Variants in RBPMS observed in about 807,000 individuals in gnomAD.
RBPMS encodes RNA binding protein, mRNA processing factor.
A neutral mutation model predicts 26.8 loss-of-function variants in RBPMS; 7 were observed. The observed-to-expected ratio is 0.26, with a 90% CI of 0.15 to 0.49. The LOEUF (loss-of-function observed/expected upper bound fraction) is 0.49, where lower values mean the gene tolerates loss of function less well. RBPMS is among the 20% of genes least tolerant of loss of function. The probability of loss-of-function intolerance (pLI) is 0.98; values close to 1 mark genes in which losing one functional copy is unlikely to be tolerated. For missense variants in RBPMS, 186 were observed against 250.0 expected (o/e 0.74, Z 1.73); for synonymous variants, 96 against 93.3 (o/e 1.03, Z -0.17).
chr8:30,542,448 C>CA (rs1214585537), intron 5 of RBPMS, among the ~76,000 whole-genome samples: 1 of 152,198 alleles, frequency 6.6e-6, no homozygotes, highest in Admixed American at 6.5e-5. Context: ...ACCTACTGAT[C>CA]AGGTAACCAC....
At chr8:30,492,359 T>G (rs1263496752) in intron 4 of RBPMS, among the ~76,000 whole-genome samples, 2 of 152,220 alleles carry the variant, frequency 1.3e-5, no homozygotes, top group African/African-American at 4.8e-5. Flanking sequence ...TAGGTTGATC[T>G]CCTTTTCAGT....
chr8:30,427,691 C>T (rs146077666), intron 1 of RBPMS, among the ~76,000 whole-genome samples: 74 of 152,322 alleles, frequency 4.9e-4, no homozygotes, highest in African/African-American at 1.7e-3. Flanking sequence ...TCTTAATCGT[C>T]TTTGATCATG....
At chr8:30,565,371 G>A (rs7833229) in intron 7 of RBPMS, 15,833 of 152,254 alleles carry the variant, frequency 0.1, 1,006 homozygotes, top group South Asian at 0.15. Context: ...TGGGGAACCC[G>A]GACAGTCCGC....
chr8:30,479,723 A>G (rs1818076258), intron 4 of RBPMS, among the ~76,000 whole-genome samples: 1 of 152,106 alleles, frequency 6.6e-6, no homozygotes, highest in African/African-American at 2.4e-5. Context: ...TAGCTTGCTC[A>G]TCATTATACT....
chr8:30,463,817 T>G (rs1816209964), intron 1 of RBPMS, among the ~76,000 whole-genome samples: 1 of 152,236 alleles, frequency 6.6e-6, no homozygotes, highest in South Asian at 2.1e-4. Flanking sequence ...TTGGTTGTTC[T>G]GTGAACCACA....
chr8:30,558,281 A>T (rs1287653951), intron 6 of RBPMS: 2 of 153,794 alleles, frequency 1.3e-5, no homozygotes, highest in East Asian at 1.9e-4. Flanking sequence ...AATGGAAGAG[A>T]CAGGGCTGCT....
At chr8:30,454,110 C>G (rs1814926593) in intron 1 of RBPMS, among the ~76,000 whole-genome samples, 1 of 152,142 alleles carries the variant, frequency 6.6e-6, no homozygotes, top group Non-Finnish European at 1.5e-5. Flanking sequence ...CATATCATCC[C>G]TTTTGTTTTC....
intron 5 of RBPMS, among the ~76,000 whole-genome samples, chr8:30,543,097 C>T (rs941042167): frequency 2.6e-5 from 4 of 152,118 alleles, no homozygotes; most frequent in African/African-American, 9.7e-5. Flanking sequence ...GAAGGCCAAC[C>T]AGCAACAGTA....
chr8:30,528,044 G>T (rs1042148341), intron 5 of RBPMS, among the ~76,000 whole-genome samples: 6 of 152,080 alleles, frequency 3.9e-5, no homozygotes, highest in African/African-American at 7.2e-5. Context: ...GCGTGGTGGC[G>T]GGCGCCTGTA....
At chr8:30,417,810 T>A (rs903008814) in intron 1 of RBPMS, among the ~76,000 whole-genome samples, 5 of 152,268 alleles carry the variant, frequency 3.3e-5, no homozygotes, top group African/African-American at 1.2e-4. Context: ...TTTCAATGTA[T>A]GGATGTTCCA....
rs531856451 is a variant in RBPMS, at chr8:30,569,795, G to A, written c.*112-842G>A. On this transcript the variant is annotated intron_variant, in intron 8 of 8. Transcript: ENST00000397323. ...GGACAGGCCAGGGGTGCACAGGGAT[G>A]AGTCTGGATTTGGCTGCCTTGAGGG... 3.3e-5 allele frequency among the ~76,000 whole-genome samples: 5 copies of A among 152,310 alleles called. No individual in the cohort carries two copies. In the South Asian group the frequency reaches 1.0e-3, roughly 32 times the overall value.
At chr8:30,418,596 C>T (rs1563299990) in intron 1 of RBPMS, among the ~76,000 whole-genome samples, 1 of 151,552 alleles carries the variant, frequency 6.6e-6, no homozygotes, top group East Asian at 1.9e-4. Flanking sequence ...TATTATTTTT[C>T]GAGGCAGGGT....
intron 1 of RBPMS, among the ~76,000 whole-genome samples, chr8:30,469,428 A>T (rs1305163529): frequency 6.6e-6 from 1 of 152,268 alleles, no homozygotes; most frequent in Non-Finnish European, 1.5e-5. Context: ...GGAATGCTGG[A>T]TAATGGCTAA....
At chr8:30,434,651 C>T (rs891875053) in intron 1 of RBPMS, among the ~76,000 whole-genome samples, 2 of 148,614 alleles carry the variant, frequency 1.3e-5, no homozygotes, top group Non-Finnish European at 3.0e-5. Context: ...CTGCTGGGAG[C>T]GGAGATGGCA....
chr8:30,430,308 CA>C (rs1811792804), intron 1 of RBPMS, among the ~76,000 whole-genome samples: 3 of 152,294 alleles, frequency 2.0e-5, no homozygotes, highest in Admixed American at 6.5e-5. Flanking sequence ...AGAAGAGAAT[CA>C]TACTACTTTA....
At chr8:30,424,521 G>A (rs1263917161) in intron 1 of RBPMS, among the ~76,000 whole-genome samples, 1 of 152,138 alleles carries the variant, frequency 6.6e-6, no homozygotes, top group Non-Finnish European at 1.5e-5. Flanking sequence ...AGTTACTAAG[G>A]GTGCATGGTT....
intron 3 of RBPMS, among the ~76,000 whole-genome samples, chr8:30,478,184 TATCAGATCGTGAAGG>T (rs1817892535): frequency 6.6e-6 from 1 of 152,226 alleles, no homozygotes; most frequent in South Asian, 2.1e-4. Flanking sequence ...TCAATGTGAA[TATCAGATCGTGAAGG>T]ATCATGCTGT....
rs563047034 is a variant in RBPMS at position 30,539,771 on chromosome 8, G to A, written c.398-4723G>A. 1.0e-3 allele frequency among the ~76,000 whole-genome samples: 154 copies of A among 151,962 alleles called. 1 individual carries two copies. The highest frequency in any genetic ancestry group is 3.3e-3 in the African/African-American group (138 of 41,424). On this transcript the variant is annotated intron_variant, in intron 5 of 8. Transcript: ENST00000397323. ...CTCCCAATTAGCTGGGATTATAGGCGTGCACCACCACACTCAGCTCAGTTT... is the reference window on the plus strand; with the variant it reads ...CTCCCAATTAGCTGGGATTATAGGCATGCACCACCACACTCAGCTCAGTTT...
At chr8:30,425,739 T>C (rs1811281018) in intron 1 of RBPMS, among the ~76,000 whole-genome samples, 1 of 151,970 alleles carries the variant, frequency 6.6e-6, no homozygotes, top group Non-Finnish European at 1.5e-5. Flanking sequence ...TAAGAGTTAG[T>C]GTACAATTTG....
Sources: allele counts gnomAD v4.1 joint callset (sites outside exome capture counted in the v4.1 genomes callset), GRCh38; gene constraint gnomAD v4.1.1; transcripts MANE v1.5; gene names NCBI Gene and HGNC (gene_info 2026-07-23, HGNC 2026-07-21).